The following MYRIP variants were observed in gnomAD, a reference collection of about 807,000 sequenced individuals.
MYRIP encodes rab effector MyRIP.
Under a neutral mutation model 98.0 loss-of-function variants are expected in MYRIP, and 49 were observed. That is an observed-to-expected ratio of 0.50 (90% CI 0.40 to 0.63). The LOEUF (loss-of-function observed/expected upper bound fraction) is 0.63. Among genes scored for constraint, MYRIP ranks in the 30% least tolerant of loss-of-function variants. The probability of loss-of-function intolerance (pLI) is 0.00; values close to 1 mark genes in which losing one functional copy is unlikely to be tolerated. For synonymous variants in MYRIP, 404 were observed against 409.5 expected (o/e 0.99, Z 0.16); for missense variants, 1,004 against 1,058.2 (o/e 0.95, Z 0.71).
At chr3:40,074,027 G>A (rs983992900) in intron 3 of MYRIP, among the ~76,000 whole-genome samples, 1 of 151,796 alleles carries the variant, frequency 6.6e-6, no homozygotes, top group Non-Finnish European at 1.5e-5. Context: ...TAGTAGTTTA[G>A]TCTGTAGCAC....
chr3:39,825,921 T>C (rs1032707246), intron 1 of MYRIP, among the ~76,000 whole-genome samples: 2 of 152,132 alleles, frequency 1.3e-5, no homozygotes, highest in South Asian at 2.1e-4. Flanking sequence ...AGGTTATATG[T>C]GTTTAGGAAT....
intron 2 of MYRIP, among the ~76,000 whole-genome samples, chr3:39,908,179 G>A (rs905474735): frequency 2.0e-5 from 3 of 152,180 alleles, no homozygotes; most frequent in Non-Finnish European, 2.9e-5. Context: ...TGCGACTGGC[G>A]CCTAGGCTGG....
intron 1 of MYRIP, among the ~76,000 whole-genome samples, chr3:39,851,354 C>T (rs1405940590): frequency 6.6e-6 from 1 of 152,174 alleles, no homozygotes; most frequent in Non-Finnish European, 1.5e-5. Context: ...TCCTGGGAGA[C>T]ACTATAGTTC....
At chr3:40,075,786 A>G (rs1575517029) in intron 3 of MYRIP, among the ~76,000 whole-genome samples, 3 of 152,144 alleles carry the variant, frequency 2.0e-5, no homozygotes, top group Non-Finnish European at 2.9e-5. Flanking sequence ...AGGGTGGGGG[A>G]AAAGCATAGA....
intron 2 of MYRIP, among the ~76,000 whole-genome samples, chr3:39,906,914 T>C (rs1943892827): frequency 6.6e-6 from 1 of 152,222 alleles, no homozygotes; most frequent in East Asian, 1.9e-4. Flanking sequence ...TCCTAGGCTA[T>C]CAACAGACTA....
chr3:40,070,919 G>A (rs1019552720), intron 3 of MYRIP, among the ~76,000 whole-genome samples: 1 of 152,158 alleles, frequency 6.6e-6, no homozygotes, highest in African/African-American at 2.4e-5. Flanking sequence ...CCCAGCAAGG[G>A]CATTCTATGT....
chr3:40,146,645 C>A (rs1950017281), intron 3 of MYRIP, among the ~76,000 whole-genome samples: 1 of 152,146 alleles, frequency 6.6e-6, no homozygotes, highest in Admixed American at 6.5e-5. Context: ...GCCCCTTCAG[C>A]ACCAACAGCT....
chr3:39,962,254 CAT>C (rs1027211110), intron 2 of MYRIP, among the ~76,000 whole-genome samples: 38 of 152,212 alleles, frequency 2.5e-4, no homozygotes, highest in African/African-American at 8.2e-4. Context: ...CATCACCTGA[CAT>C]GTGGTAATCC....
intron 2 of MYRIP, among the ~76,000 whole-genome samples, chr3:39,959,083 T>G (rs1323226624): frequency 1.3e-5 from 2 of 152,218 alleles, no homozygotes; most frequent in East Asian, 3.8e-4. Flanking sequence ...TTGGTGGGAC[T>G]GTAAACTAGC....
At chr3:40,125,122 A>G (rs1949496673) in intron 3 of MYRIP, among the ~76,000 whole-genome samples, 1 of 152,228 alleles carries the variant, frequency 6.6e-6, no homozygotes, top group Non-Finnish European at 1.5e-5. Flanking sequence ...GGTACATGTG[A>G]TCCAGTGGAG....
intron 3 of MYRIP, among the ~76,000 whole-genome samples, chr3:40,094,167 A>G (rs1273423430): frequency 6.6e-6 from 1 of 152,068 alleles, no homozygotes; most frequent in Non-Finnish European, 1.5e-5. Flanking sequence ...TGTTTACCCC[A>G]CTGGATTTAG....
At chr3:40,254,928 C>T (rs1482022391) in intron 16 of MYRIP, among the ~76,000 whole-genome samples, 1 of 152,192 alleles carries the variant, frequency 6.6e-6, no homozygotes, top group Non-Finnish European at 1.5e-5. Flanking sequence ...TTATCCTTCA[C>T]CCATTCCTCC....
At chr3:40,211,756 G>A (rs1197970024) in intron 11 of MYRIP, among the ~76,000 whole-genome samples, 2 of 152,122 alleles carry the variant, frequency 1.3e-5, no homozygotes, top group African/African-American at 4.8e-5. Context: ...TGTACCAGTG[G>A]CATGCCAGGC....
intron 13 of MYRIP, among the ~76,000 whole-genome samples, chr3:40,249,547 G>A (rs906525558): frequency 2.0e-5 from 3 of 152,208 alleles, no homozygotes; most frequent in African/African-American, 7.2e-5. Context: ...TCTAAGAGCA[G>A]GGACAATATC....
chr3:39,903,417 A>T (rs1431285626), intron 2 of MYRIP, among the ~76,000 whole-genome samples: 2 of 152,212 alleles, frequency 1.3e-5, no homozygotes, highest in East Asian at 3.9e-4. Flanking sequence ...GCTGTTCTTT[A>T]TTTACCTAGT....
chr3:40,083,164 T>A (rs1217693957), intron 3 of MYRIP, among the ~76,000 whole-genome samples: 2 of 152,182 alleles, frequency 1.3e-5, no homozygotes, highest in East Asian at 3.9e-4. Context: ...ACAGGCATAA[T>A]TCTATGTCTG....
intron 3 of MYRIP, among the ~76,000 whole-genome samples, chr3:40,096,123 C>G (rs942424634): frequency 6.6e-6 from 1 of 151,760 alleles, no homozygotes; most frequent in African/African-American, 2.4e-5. Context: ...AAAGGTTGGC[C>G]TTCATAGGTT....
intron 11 of MYRIP, among the ~76,000 whole-genome samples, chr3:40,226,458 T>G (rs1473088902): frequency 6.6e-6 from 1 of 152,138 alleles, no homozygotes; most frequent in African/African-American, 2.4e-5. Context: ...CTTGCGACCT[T>G]TGATTGGAGC....
At chr3:40,155,491 C>A (rs1253810400) in intron 4 of MYRIP, among the ~76,000 whole-genome samples, 1 of 152,160 alleles carries the variant, frequency 6.6e-6, no homozygotes, top group East Asian at 1.9e-4. Context: ...ATTTATAGTC[C>A]ATTGGGTATA....
Sources: gnomAD v4.1 joint callset for allele counts (sites outside exome capture counted in the v4.1 genomes callset) on GRCh38, gnomAD v4.1.1 for gene constraint, MANE v1.5 for transcripts, NCBI Gene and HGNC (gene_info 2026-07-23, HGNC 2026-07-21) for gene names.